Variants in NIPA2 observed in about 807,000 individuals in gnomAD.
NIPA2 encodes the protein NIPA magnesium transporter 2, also known as magnesium transporter NIPA2.
In NIPA2, 11 loss-of-function variants were observed where a neutral mutation model predicts 29.7. The observed-to-expected ratio is 0.37, with a 90% CI of 0.23 to 0.61. The LOEUF is 0.61. Ranked by LOEUF, NIPA2 falls within the 20% of genes least tolerant of loss-of-function variation. The probability of loss-of-function intolerance (pLI) is 0.66; values close to 1 mark genes in which losing one functional copy is unlikely to be tolerated. For synonymous variants in NIPA2, 183 were observed against 161.9 expected, an observed-to-expected ratio of 1.13 and a Z score of -0.99; for missense variants, 426 against 437.9, an observed-to-expected ratio of 0.97 and a Z score of 0.24.
At chr15:22,844,361 C>A (rs974577316) in intron 2 of NIPA2, among the ~76,000 whole-genome samples, 2 of 151,976 alleles carry the variant, frequency 1.3e-5, no homozygotes, top group Non-Finnish European at 2.9e-5. Context: ...GAGTTCGAGA[C>A]CAGCCTGGCC....
chr15:22,864,760 T>C (rs2058864710), intron 7 of NIPA2, among the ~76,000 whole-genome samples: 1 of 152,224 alleles, frequency 6.6e-6, no homozygotes, highest in African/African-American at 2.4e-5. Context: ...AAATTGCTTT[T>C]TCATCTTTTA....
At chr15:22,858,329 G>A (rs902769933) in intron 5 of NIPA2, among the ~76,000 whole-genome samples, 1 of 152,200 alleles carries the variant, frequency 6.6e-6, no homozygotes, top group Non-Finnish European at 1.5e-5. Context: ...GGGAGGCGGA[G>A]CTCGCAGTGA....
intron 2 of NIPA2, among the ~76,000 whole-genome samples, chr15:22,840,290 G>GTTTTTTTT (rs59421708): frequency 1.5e-5 from 2 of 137,804 alleles, no homozygotes; most frequent in African/African-American, 5.4e-5. Context: ...TCTATATATA[G>GTTTTTTTT]TTTTTTTTTT....
Position 22,867,151 on chromosome 15 carries a change from T to TTA in NIPA2, c.*306_*307dup, listed in dbSNP as rs1392144383. The stretch of plus-strand genomic sequence containing the variant: ...ACAGTTTTAAGTCTATGAAAATGCT[T>TTA]TATTTTTTCATTGGTGATGAAAGTC... On this transcript the variant is annotated 3_prime_UTR_variant, in exon 8 of 8. Coordinates refer to ENST00000337451, the MANE Select transcript of NIPA2 (RefSeq NM_030922.7). 4 of 448,080 alleles carry TTA rather than the reference T, an allele frequency of 8.9e-6. No individual in the cohort carries two copies. Among genetic ancestry groups the TTA allele is most frequent in the African/African-American group, 2.0e-5 (1 of 49,044 alleles). 27.8% of individuals were successfully genotyped at this position (448,080 alleles called of 1,614,324 possible). A position where few individuals can be genotyped will look rare whatever the true frequency, so the allele number is the denominator to read the frequency against.
chr15:22,866,282 A>G lies in NIPA2; in HGVS notation c.518A>G (p.His173Arg). The change falls in exon 8 of 8, where the codon CAT becomes CGT. Residue 173 changes from histidine to arginine, a missense_variant. Physicochemically the swap from His to Arg is conservative, Grantham distance 29. This residue lies in a region of NIPA2 where 357 missense variants were observed against 339.8 expected (regional missense o/e 1.05). Transcript: ENST00000337451. ...LILIFVVGPR[H>R]GQTNILVYIT... ...TTAATCTTCGTGGTGGGTCCTCGCCATGGACAGACAAACATTCTTGTGTAC... is the reference window on the plus strand; with the variant it reads ...TTAATCTTCGTGGTGGGTCCTCGCCGTGGACAGACAAACATTCTTGTGTAC... The G allele has an allele frequency of 2.5e-6, 4 of 1,613,896 alleles. No homozygotes were observed. Among genetic ancestry groups the G allele is most frequent in the Non-Finnish European group, 3.4e-6 (4 of 1,179,850 alleles).
At chr15:22,851,501 A>T (rs2057736288) in intron 3 of NIPA2, 138 bp from the exon 4 acceptor site, 1 of 266,414 alleles carries the variant, frequency 3.8e-6, no homozygotes, top group African/African-American at 2.2e-5. Flanking sequence ...TGCTAAATTT[A>T]AATAATAAAT....
chr15:22,848,875 C>G (rs1489888907), intron 3 of NIPA2, among the ~76,000 whole-genome samples: 1 of 140,714 alleles, frequency 7.1e-6, no homozygotes, highest in African/African-American at 2.6e-5. Context: ...CATCCATATT[C>G]ACCCAGAAAA....
At chr15:22,844,592 G>A (rs1211432549) in intron 2 of NIPA2, among the ~76,000 whole-genome samples, 3 of 151,860 alleles carry the variant, frequency 2.0e-5, no homozygotes, top group African/African-American at 7.3e-5. Context: ...GAGAGAACAA[G>A]CAGAACAAAA....
At chr15:22,856,289 A>G (rs2058172270) in intron 5 of NIPA2, among the ~76,000 whole-genome samples, 1 of 152,226 alleles carries the variant, frequency 6.6e-6, no homozygotes, top group Admixed American at 6.5e-5. Flanking sequence ...TATTAATATT[A>G]GACTTCACAG....
chr15:22,867,148 G>T lies in NIPA2; in HGVS notation c.*301G>T. 2.2e-6 allele frequency: 1 copy of T among 444,866 alleles called. No individual in the cohort carries two copies. Among genetic ancestry groups the T allele is most frequent in the Admixed American group, 3.9e-5 (1 of 25,790 alleles). The allele number at this position is 444,866 out of a possible 1,614,324, so 27.6% of individuals were successfully genotyped here. A position where few individuals can be genotyped will look rare whatever the true frequency, so the allele number is the denominator to read the frequency against. On this transcript the variant is annotated 3_prime_UTR_variant, in exon 8 of 8. Coordinates refer to ENST00000337451, the MANE Select transcript of NIPA2 (RefSeq NM_030922.7). ...ATGACAGTTTTAAGTCTATGAAAAT[G>T]CTTTATTTTTTCATTGGTGATGAAA...
At chr15:22,845,767 C>T (rs1898454863) in intron 3 of NIPA2, among the ~76,000 whole-genome samples, 2 of 151,916 alleles carry the variant, frequency 1.3e-5, no homozygotes, top group Non-Finnish European at 1.5e-5. Context: ...GGGTGCCTGG[C>T]CAGGGGGACT....
Position 22,861,371 on chromosome 15 carries a change from G to A in NIPA2, c.448+582G>A, listed in dbSNP as rs185532240. 3.8e-3 allele frequency among the ~76,000 whole-genome samples: 584 copies of A among 152,220 alleles called. 7 individuals are homozygous for A. Among genetic ancestry groups the A allele is most frequent in the African/African-American group, 0.013 (540 of 41,538 alleles). On this transcript the variant is annotated intron_variant, in intron 7 of 7. Transcript: ENST00000337451. Reference sequence around the variant, plus strand: ...CAGGCTGCCAGCACAGCTGTTATCTGCATTTCTCTTCAGCAGCATCCTGGG... The same window carrying A: ...CAGGCTGCCAGCACAGCTGTTATCTACATTTCTCTTCAGCAGCATCCTGGG...
In NIPA2 at chr15:22,866,871, C is replaced by T; in HGVS notation, c.*24C>T. ...AAGAAAGGTGTAATTAAAGGTTAAT[C>T]TGTGATTGTTATGAAGTGAATTTGA... On this transcript the variant is annotated 3_prime_UTR_variant, in exon 8 of 8. Coordinates refer to ENST00000337451, the MANE Select transcript of NIPA2 (RefSeq NM_030922.7). The T allele has an allele frequency of 1.3e-6, 2 of 1,550,646 alleles. No individual in the cohort carries two copies. The highest frequency in any genetic ancestry group is 1.7e-6 in the Non-Finnish European group (2 of 1,148,514).
At position 22,865,792 on chromosome 15, in the gene NIPA2, C is replaced by CA. The variant is rs2059001138; in HGVS notation, c.449-421_449-420insA. 2.2e-4 allele frequency among the ~76,000 whole-genome samples: 33 copies of CA among 152,156 alleles called. No homozygotes were observed. The South Asian group carries it at 6.6e-3, about 31-fold the overall frequency. Reference sequence around the variant, plus strand: ...GTTGTCCACAAATTTTAAAAGTTTCCCCTTTTAGGGAAAACTTGATGAAGA... The same window carrying CA: ...GTTGTCCACAAATTTTAAAAGTTTCCACCTTTTAGGGAAAACTTGATGAAGA... On this transcript the variant is annotated intron_variant, in intron 7 of 7. Transcript: ENST00000337451.
chr15:22,848,532 A>G (rs971224292), intron 3 of NIPA2, among the ~76,000 whole-genome samples: 6 of 151,864 alleles, frequency 4.0e-5, no homozygotes, highest in African/African-American at 1.5e-4. Flanking sequence ...CTAATTATGA[A>G]TTATTCCATT....
chr15:22,839,142 A>G (rs1256811034), intron 1 of NIPA2: 2 of 152,146 alleles, frequency 1.3e-5, no homozygotes, highest in Non-Finnish European at 2.9e-5. Flanking sequence ...ACGCATGTTC[A>G]TTAAGTTCAT....
At chr15:22,842,717 TACTC>T (rs1897418378) in intron 2 of NIPA2, among the ~76,000 whole-genome samples, 2 of 152,166 alleles carry the variant, frequency 1.3e-5, no homozygotes, top group South Asian at 2.1e-4. Context: ...TAATCCCAGA[TACTC>T]AGGAGGCTGA....
intron 5 of NIPA2, among the ~76,000 whole-genome samples, chr15:22,857,094 C>T (rs928622214): frequency 6.6e-6 from 1 of 152,158 alleles, no homozygotes; most frequent in African/African-American, 2.4e-5. Context: ...CACTTTTAAC[C>T]TCTTGGCACA....
chr15:22,849,420 T>C (rs2057547366), intron 3 of NIPA2, among the ~76,000 whole-genome samples: 1 of 152,092 alleles, frequency 6.6e-6, no homozygotes, highest in African/African-American at 2.4e-5. Context: ...ACAGAGGGAC[T>C]AGGGGTACTT....
Sources: gnomAD v4.1 joint callset for allele counts (sites outside exome capture counted in the v4.1 genomes callset) on GRCh38, gnomAD v4.1.1 for gene constraint, gnomAD v4.1.1 regional missense constraint, MANE v1.5 for transcripts, NCBI Gene and HGNC (gene_info 2026-07-23, HGNC 2026-07-21) for gene names.